Variants in CSMD1 observed in about 807,000 individuals in gnomAD.
CSMD1 encodes CUB and Sushi multiple domains 1.
CSMD1 carries 213 observed loss-of-function variants against 417.5 expected under a neutral mutation model. That is an observed-to-expected ratio of 0.51 (90% CI 0.46 to 0.57). The LOEUF (loss-of-function observed/expected upper bound fraction) is 0.57, where lower values mean the gene tolerates loss of function less well. Ranked by LOEUF, CSMD1 falls within the 20% of genes least tolerant of loss-of-function variation. The pLI is 0.00. For missense variants in CSMD1, 6,923 were observed against 4,529.7 expected (o/e 1.53, Z -15.17); for synonymous variants, 2,862 against 1,736.8 (o/e 1.65, Z -16.11).
intron 3 of CSMD1, among the ~76,000 whole-genome samples, chr8:4,358,822 A>G (rs549911740): frequency 6.6e-6 from 1 of 152,284 alleles, no homozygotes; most frequent in South Asian, 2.1e-4. Flanking sequence ...AAATCACGTA[A>G]GAGTGCCTTG....
At chr8:3,002,437 C>T (rs593523) in intron 52 of CSMD1, among the ~76,000 whole-genome samples, 28,570 of 152,070 alleles carry the variant, frequency 0.19, 5,529 homozygotes, top group African/African-American at 0.5. Flanking sequence ...ATTTCTGAGG[C>T]GAGGCATAGA....
chr8:3,300,352 C>T (rs1804294920), intron 25 of CSMD1, among the ~76,000 whole-genome samples: 1 of 147,520 alleles, frequency 6.8e-6, no homozygotes, highest in Non-Finnish European at 1.5e-5. Context: ...CAGAAAACTA[C>T]ATTTAGGGGT....
intron 23 of CSMD1, among the ~76,000 whole-genome samples, chr8:3,340,038 T>C (rs144304034): frequency 1.8e-4 from 27 of 152,334 alleles, no homozygotes; most frequent in Admixed American, 1.5e-3. Flanking sequence ...CCAAAGATAC[T>C]CTGGTTTTTC....
At chr8:4,326,325 A>T (rs192594479) in intron 3 of CSMD1, among the ~76,000 whole-genome samples, 21 of 152,300 alleles carry the variant, frequency 1.4e-4, no homozygotes, top group Admixed American at 4.6e-4. Flanking sequence ...TTGAAAATAC[A>T]GGGCTTGCGA....
At chr8:4,184,741 G>A (rs932424955) in intron 3 of CSMD1, among the ~76,000 whole-genome samples, 2 of 149,946 alleles carry the variant, frequency 1.3e-5, no homozygotes, top group Admixed American at 6.7e-5. Context: ...TAACTAATGG[G>A]TACTGGGCTT....
At chr8:4,289,136 G>A (rs1213544783) in intron 3 of CSMD1, among the ~76,000 whole-genome samples, 2 of 152,122 alleles carry the variant, frequency 1.3e-5, no homozygotes, top group Non-Finnish European at 2.9e-5. Flanking sequence ...ACTAGTTACA[G>A]TTCTTCTAAC....
intron 50 of CSMD1, among the ~76,000 whole-genome samples, chr8:3,040,832 T>C (rs1173266914): frequency 1.3e-5 from 2 of 152,140 alleles, no homozygotes; most frequent in African/African-American, 2.4e-5. Context: ...TATAAATTAA[T>C]AGATGATTTG....
chr8:4,004,257 AC>A (rs1815929592), intron 4 of CSMD1, among the ~76,000 whole-genome samples: 1 of 152,080 alleles, frequency 6.6e-6, no homozygotes, highest in Non-Finnish European at 1.5e-5. Flanking sequence ...CATCTAAAAA[AC>A]ATCCCAGTAA....
At chr8:4,114,105 C>T (rs1279355465) in intron 3 of CSMD1, among the ~76,000 whole-genome samples, 1 of 152,162 alleles carries the variant, frequency 6.6e-6, no homozygotes, top group Non-Finnish European at 1.5e-5. Flanking sequence ...AAGAAGATGC[C>T]ATCTAGGACT....
At chr8:4,286,127 C>T (rs979859188) in intron 3 of CSMD1, among the ~76,000 whole-genome samples, 1 of 152,006 alleles carries the variant, frequency 6.6e-6, no homozygotes, top group Non-Finnish European at 1.5e-5. Flanking sequence ...ACGATATGCG[C>T]ACATAACGTT....
intron 1 of CSMD1, among the ~76,000 whole-genome samples, chr8:4,889,960 A>G (rs537630719): frequency 6.6e-6 from 1 of 152,156 alleles, no homozygotes; most frequent in Non-Finnish European, 1.5e-5. Flanking sequence ...TGACCTTTCA[A>G]CTACATCACA....
chr8:3,870,981 A>T (rs1048304892), intron 5 of CSMD1, among the ~76,000 whole-genome samples: 2 of 150,258 alleles, frequency 1.3e-5, no homozygotes, highest in Non-Finnish European at 3.0e-5. Context: ...ATATAAGTTA[A>T]TTTTTTCTCA....
chr8:4,332,885 A>C (rs1025345154), intron 3 of CSMD1, among the ~76,000 whole-genome samples: 4 of 152,016 alleles, frequency 2.6e-5, no homozygotes, highest in African/African-American at 7.3e-5. Context: ...TTTTTGAGAA[A>C]AACAACACAA....
intron 1 of CSMD1, among the ~76,000 whole-genome samples, chr8:4,651,388 C>A (rs7465218): frequency 6.6e-6 from 1 of 152,022 alleles, no homozygotes; most frequent in African/African-American, 2.4e-5. Flanking sequence ...CATTCCTCCA[C>A]TGCTGTGCTG....
At chr8:3,650,603 G>A (rs1008030299) in intron 7 of CSMD1, among the ~76,000 whole-genome samples, 1 of 152,068 alleles carries the variant, frequency 6.6e-6, no homozygotes, top group Non-Finnish European at 1.5e-5. Context: ...TATGATGCTT[G>A]CCATGAATGT....
At chr8:3,390,920 T>C (rs1402894335) in intron 17 of CSMD1, among the ~76,000 whole-genome samples, 2 of 152,006 alleles carry the variant, frequency 1.3e-5, no homozygotes, top group African/African-American at 4.8e-5. Context: ...AAATAGAGGT[T>C]GAAAAGTCAC....
intron 7 of CSMD1, among the ~76,000 whole-genome samples, chr8:3,637,484 GTTC>G (rs1797107912): frequency 6.6e-6 from 1 of 152,132 alleles, no homozygotes; most frequent in African/African-American, 2.4e-5. Context: ...CTTCAGAATT[GTTC>G]TTCTTTGACT....
chr8:3,763,305 G>A lies in CSMD1; in HGVS notation c.819-9263C>T, dbSNP rs1011909701. ...AATCTCATGTTGACATATGATTGCC[G>A]GTATTGGAGGTGGGGCCCTGTGGGA... On this transcript the variant is annotated intron_variant, in intron 5 of 69. Coordinates refer to ENST00000635120, the MANE Select transcript of CSMD1 (RefSeq NM_033225.6). 1.2e-4 allele frequency among the ~76,000 whole-genome samples: 19 copies of A among 152,236 alleles called. 1 individual carries two copies. The highest frequency in any genetic ancestry group is 4.2e-4 in the South Asian group (2 of 4,810).
In CSMD1 at chr8:3,716,987, A is replaced by C. The variant is rs576832251; in HGVS notation, c.932-8496T>G. Among the ~76,000 whole-genome samples the C allele has an allele frequency of 3.4e-3, 519 of 152,312 alleles. 4 individuals are homozygous for C. Among genetic ancestry groups the C allele is most frequent in the Admixed American group, 8.0e-3 (123 of 15,294 alleles). ...TACAATCATTTACAAAAAAATAAAAAATTGAGGTACAAAGAACTTAAAAAA... is the reference window on the plus strand; with the variant it reads ...TACAATCATTTACAAAAAAATAAAACATTGAGGTACAAAGAACTTAAAAAA... On this transcript the variant is annotated intron_variant, in intron 6 of 69. Coordinates refer to ENST00000635120, the MANE Select transcript of CSMD1 (RefSeq NM_033225.6).
Sources: gnomAD v4.1 joint callset for allele counts (sites outside exome capture counted in the v4.1 genomes callset) on GRCh38, gnomAD v4.1.1 for gene constraint, MANE v1.5 for transcripts, NCBI Gene and HGNC (gene_info 2026-07-23, HGNC 2026-07-21) for gene names.